Variants in RABGAP1L observed in about 807,000 individuals in gnomAD.
RABGAP1L encodes RAB GTPase activating protein 1 like, also known as rab GTPase-activating protein 1-like.
Under a neutral mutation model 137.7 loss-of-function variants are expected in RABGAP1L, and 63 were observed. The ratio of observed to expected loss-of-function variants is 0.46; its 90% CI spans 0.37 to 0.56. The LOEUF (loss-of-function observed/expected upper bound fraction) is 0.56, where lower values mean the gene tolerates loss of function less well. Ranked by LOEUF, RABGAP1L falls within the 20% of genes least tolerant of loss-of-function variation. The pLI is 0.00. For missense variants in RABGAP1L, 1,095 were observed against 1,244.0 expected, an observed-to-expected ratio of 0.88 and a Z score of 1.80; for synonymous variants, 431 against 433.7, an observed-to-expected ratio of 0.99 and a Z score of 0.08.
rs1688773229 is a variant in RABGAP1L at position 174,801,718 on chromosome 1, C to A, written c.2212-10114C>A. On this transcript the variant is annotated intron_variant, in intron 18 of 25. Coordinates refer to ENST00000681986, the MANE Select transcript of RABGAP1L (RefSeq NM_001366446.1). ...CAGGTGAAGTCATTACTTCCCTGAA[C>A]CTCATCTTTTTCTTAAAGGAGAAAA... is the stretch of plus-strand genomic sequence containing the variant. Among the ~76,000 whole-genome samples the A allele has an allele frequency of 2.0e-5, 3 of 152,174 alleles. No homozygotes were observed. The South Asian group carries it at 6.2e-4, about 32-fold the overall frequency.
At chr1:174,515,648 T>C (rs548746534) in intron 13 of RABGAP1L, among the ~76,000 whole-genome samples, 6 of 152,304 alleles carry the variant, frequency 3.9e-5, no homozygotes, top group African/African-American at 1.4e-4. Context: ...ACGTGTTTCA[T>C]TGAATTACAA....
At chr1:174,534,775 CAAAAAAAAAAAAAAAA>C (rs71117567) in intron 13 of RABGAP1L, among the ~76,000 whole-genome samples, 1 of 71,612 alleles carries the variant, frequency 1.4e-5, no homozygotes, top group East Asian at 7.7e-4. Context: ...ACTCTGTCTC[CAAAAAAAAAAAAAAAA>C]AAAAAAAAAA....
intron 11 of RABGAP1L, among the ~76,000 whole-genome samples, chr1:174,307,156 G>A (rs981037028): frequency 2.6e-5 from 4 of 152,132 alleles, no homozygotes; most frequent in African/African-American, 9.7e-5. Flanking sequence ...CACTTGCTAA[G>A]CTCACTCAGC....
chr1:174,796,081 G>C (rs992626861), intron 18 of RABGAP1L, among the ~76,000 whole-genome samples: 1 of 152,228 alleles, frequency 6.6e-6, no homozygotes, highest in African/African-American at 2.4e-5. Context: ...TCATCCAAAA[G>C]AAATGTGAGA....
chr1:174,247,863 C>T (rs1214108264), intron 5 of RABGAP1L, among the ~76,000 whole-genome samples: 1 of 152,118 alleles, frequency 6.6e-6, no homozygotes, highest in East Asian at 1.9e-4. Flanking sequence ...TTTGGAGCCC[C>T]TCTCCCTCTG....
At chr1:174,628,442 C>T (rs1326026814) in intron 13 of RABGAP1L, among the ~76,000 whole-genome samples, 4 of 152,208 alleles carry the variant, frequency 2.6e-5, no homozygotes, top group African/African-American at 7.2e-5. Context: ...TATTTCTTGT[C>T]ATTAATTAAT....
chr1:174,227,118 AATATTGT>A (rs1317792718), intron 3 of RABGAP1L, among the ~76,000 whole-genome samples: 2 of 152,112 alleles, frequency 1.3e-5, no homozygotes, highest in Non-Finnish European at 2.9e-5. Context: ...ATACTTGCAT[AATATTGT>A]AGATTTTGTC....
chr1:174,619,659 C>G (rs1055798148), intron 13 of RABGAP1L, among the ~76,000 whole-genome samples: 1 of 152,192 alleles, frequency 6.6e-6, no homozygotes, highest in Admixed American at 6.5e-5. Context: ...TGGAAAGGAA[C>G]AAACAGTACC....
intron 13 of RABGAP1L, among the ~76,000 whole-genome samples, chr1:174,488,038 A>G (rs114914203): frequency 6.6e-6 from 1 of 152,068 alleles, no homozygotes; most frequent in Non-Finnish European, 1.5e-5. Context: ...TAATCTTTCT[A>G]TTTAATATAA....
chr1:174,609,271 C>A (rs1671004618), intron 13 of RABGAP1L, among the ~76,000 whole-genome samples: 1 of 152,158 alleles, frequency 6.6e-6, no homozygotes, highest in Admixed American at 6.5e-5. Context: ...ATACCTTCCA[C>A]AAATGGCAAC....
chr1:174,249,614 TAAAG>T (rs1347304375), intron 5 of RABGAP1L, among the ~76,000 whole-genome samples: 3 of 151,714 alleles, frequency 2.0e-5, no homozygotes, highest in African/African-American at 4.8e-5. Flanking sequence ...TTTTTTTTTT[TAAAG>T]TAAAAGGAAT....
chr1:174,685,397 C>G (rs1462126680), intron 15 of RABGAP1L, among the ~76,000 whole-genome samples: 2 of 152,022 alleles, frequency 1.3e-5, no homozygotes, highest in Non-Finnish European at 2.9e-5. Context: ...GGACTACAGG[C>G]TCCTGCCACC....
At chr1:174,487,888 CA>C (rs1264803418) in intron 13 of RABGAP1L, among the ~76,000 whole-genome samples, 2 of 152,058 alleles carry the variant, frequency 1.3e-5, no homozygotes, top group Non-Finnish European at 2.9e-5. Flanking sequence ...TATAAACAAG[CA>C]AAAAGAAAAC....
chr1:174,243,984 A>G (rs962778101), intron 5 of RABGAP1L, among the ~76,000 whole-genome samples: 4 of 152,184 alleles, frequency 2.6e-5, no homozygotes, highest in Non-Finnish European at 5.9e-5. Context: ...CATAGCTTGC[A>G]TTCCATTTAC....
At chr1:174,756,631 C>T (rs1012347145) in intron 18 of RABGAP1L, among the ~76,000 whole-genome samples, 5 of 152,004 alleles carry the variant, frequency 3.3e-5, no homozygotes, top group African/African-American at 9.7e-5. Context: ...TGACTGTCCC[C>T]AGGGAAGTAG....
chr1:174,703,914 C>T (rs997057645), intron 17 of RABGAP1L, among the ~76,000 whole-genome samples: 7 of 152,098 alleles, frequency 4.6e-5, no homozygotes, highest in Non-Finnish European at 7.4e-5. Context: ...GTCCTTTGCC[C>T]GCTTTTTAAT....
chr1:174,839,028 C>CTTGTGTGTGTGTGT (rs372484184), intron 19 of RABGAP1L, among the ~76,000 whole-genome samples: 1 of 130,046 alleles, frequency 7.7e-6, no homozygotes, highest in African/African-American at 2.9e-5. Flanking sequence ...AACTTTTTTA[C>CTTGTGTGTGTGTGT]GTGTGTGTGT....
chr1:174,962,150 G>A (rs1005844428), intron 20 of RABGAP1L, among the ~76,000 whole-genome samples: 4 of 151,398 alleles, frequency 2.6e-5, no homozygotes, highest in African/African-American at 9.7e-5. Context: ...GCTCCAGCCT[G>A]GGCGACAGAG....
At chr1:174,222,108 G>A (rs982446309) in intron 3 of RABGAP1L, among the ~76,000 whole-genome samples, 11 of 151,840 alleles carry the variant, frequency 7.2e-5, no homozygotes, top group African/African-American at 2.2e-4. Flanking sequence ...GGGTTTACCA[G>A]TGCAAGCCAT....
Sources: allele counts gnomAD v4.1 joint callset (sites outside exome capture counted in the v4.1 genomes callset), GRCh38; gene constraint gnomAD v4.1.1; transcripts MANE v1.5; gene names NCBI Gene and HGNC (gene_info 2026-07-23, HGNC 2026-07-21).